The following PICALM variants were observed in gnomAD, a reference collection of about 807,000 sequenced individuals.
The protein encoded by PICALM is phosphatidylinositol binding clathrin assembly protein.
A neutral mutation model predicts 80.5 loss-of-function variants in PICALM; 40 were observed. The observed-to-expected ratio is 0.50, with a 90% CI of 0.39 to 0.65. The LOEUF (loss-of-function observed/expected upper bound fraction) is 0.65, where lower values mean the gene tolerates loss of function less well. Ranked by LOEUF, PICALM falls within the 30% of genes least tolerant of loss-of-function variation. The probability of loss-of-function intolerance (pLI) is 0.00; values close to 1 mark genes in which losing one functional copy is unlikely to be tolerated. For missense variants in PICALM, 676 were observed against 778.9 expected, an observed-to-expected ratio of 0.87 and a Z score of 1.57; for synonymous variants, 288 against 260.3, an observed-to-expected ratio of 1.11 and a Z score of -1.02.
intron 11 of PICALM, among the ~76,000 whole-genome samples, chr11:85,999,237 C>T (rs2095069940): frequency 6.6e-6 from 1 of 152,024 alleles, no homozygotes; most frequent in Non-Finnish European, 1.5e-5. Context: ...TTTAGATGTA[C>T]AATAGTTGTG....
chr11:86,035,928 A>G (rs1308680620), intron 1 of PICALM, among the ~76,000 whole-genome samples: 1 of 149,062 alleles, frequency 6.7e-6, no homozygotes, highest in East Asian at 1.9e-4. Flanking sequence ...AGCCTGGCCT[A>G]CAGAGCGAGA....
chr11:86,043,104 GATGACATATTACACATCACCTTAGTTATA>G (rs1238198687), intron 1 of PICALM, among the ~76,000 whole-genome samples: 3 of 152,092 alleles, frequency 2.0e-5, no homozygotes, highest in African/African-American at 7.2e-5. Context: ...CCCAAGTTTG[GATGACATATTACACATCACCTTAGTTATA>G]AGCACACTAA....
intron 9 of PICALM, 126 bp downstream of exon 9, chr11:86,003,240 T>C (rs2095194490): frequency 3.7e-6 from 2 of 546,332 alleles, no homozygotes; most frequent in Non-Finnish European, 3.4e-6. Flanking sequence ...GATATTATGA[T>C]TAAATCCATT....
intron 1 of PICALM, among the ~76,000 whole-genome samples, chr11:86,035,941 C>A (rs1410937113): frequency 8.0e-6 from 1 of 125,704 alleles, no homozygotes; most frequent in East Asian, 2.1e-4. Flanking sequence ...GAGCGAGACT[C>A]TGCCTCAAAA....
rs540528225 is a variant in PICALM at position 85,984,613 on chromosome 11, T to C, written c.1409-640A>G. Among the ~76,000 whole-genome samples the C allele has an allele frequency of 3.9e-5, 6 of 152,284 alleles. No individual in the cohort carries two copies. In the South Asian group the frequency reaches 8.3e-4, roughly 21 times the overall value. On this transcript the variant is annotated intron_variant, in intron 13 of 19. Coordinates refer to ENST00000393346, the MANE Select transcript of PICALM (RefSeq NM_007166.4). ...TCTCAACCACTCTCTAACTTCAACT[T>C]AGTACTTGCAACAGTGGGGATGACA...
At chr11:85,964,675 C>A (rs544193997) in intron 19 of PICALM, among the ~76,000 whole-genome samples, 3 of 52,116 alleles carry the variant, frequency 5.8e-5, no homozygotes, top group Non-Finnish European at 1.2e-4. Context: ...GCTCCTCTGC[C>A]GTGCTCTGTT....
intron 3 of PICALM, among the ~76,000 whole-genome samples, chr11:86,025,582 A>T (rs112513277): frequency 0.029 from 4,394 of 151,918 alleles, 96 homozygotes; most frequent in Non-Finnish European, 0.046. Context: ...TTTTTGAGAC[A>T]GAGTCTAGCT....
chr11:86,013,523 C>G (rs986754783), intron 5 of PICALM, among the ~76,000 whole-genome samples: 1 of 151,454 alleles, frequency 6.6e-6, no homozygotes, highest in African/African-American at 2.4e-5. Context: ...AGACAAGAGA[C>G]AGAGAGAGGA....
chr11:86,024,559 T>C (rs1486452517), intron 3 of PICALM, among the ~76,000 whole-genome samples: 1 of 151,814 alleles, frequency 6.6e-6, no homozygotes, highest in African/African-American at 2.4e-5. Context: ...TTTACTCTGA[T>C]CTAACTTGAC....
intron 14 of PICALM, among the ~76,000 whole-genome samples, chr11:85,983,119 TCTTA>T (rs1240889646): frequency 6.6e-6 from 1 of 152,192 alleles, no homozygotes; most frequent in African/African-American, 2.4e-5. Context: ...TAGGCTTGCT[TCTTA>T]GTTTTTGAAG....
At chr11:86,029,643 A>G (rs971033054) in intron 2 of PICALM, among the ~76,000 whole-genome samples, 2 of 152,210 alleles carry the variant, frequency 1.3e-5, no homozygotes, top group Non-Finnish European at 2.9e-5. Context: ...CATTATTGAT[A>G]CTTTGTTTAT....
chr11:86,021,028 A>G (rs1233534442), intron 4 of PICALM, among the ~76,000 whole-genome samples: 1 of 152,216 alleles, frequency 6.6e-6, no homozygotes, highest in Admixed American at 6.5e-5. Context: ...CAACTTAACA[A>G]TAAAAAGGGC....
Position 86,008,711 on chromosome 11 carries a change from G to A in PICALM, c.766-1128C>T, listed in dbSNP as rs73506246. ...TTTGTCCTCCTCAAACATGTTTCAA[G>A]AGGTTACTCTTGCCTTCTTCCAGGA... is the stretch of plus-strand genomic sequence containing the variant. On this transcript the variant is annotated intron_variant, in intron 7 of 19. Coordinates refer to ENST00000393346, the MANE Select transcript of PICALM (RefSeq NM_007166.4). 8.1e-3 allele frequency among the ~76,000 whole-genome samples: 1,226 copies of A among 152,062 alleles called. 9 individuals carry two copies. The highest frequency in any genetic ancestry group is 0.022 in the African/African-American group (921 of 41,472).
Position 86,012,389 on chromosome 11 carries a change from T to G in PICALM, c.550A>C (p.Asn184His), listed in dbSNP as rs1239694127. The G allele has an allele frequency of 6.4e-7, 1 of 1,573,010 alleles. No individual in the cohort carries two copies. Among genetic ancestry groups the G allele is most frequent in the East Asian group, 2.2e-5 (1 of 44,478 alleles). Reference protein sequence around the residue: ...QMDALLDFNVNSNELTNGVIN... With the variant: ...QMDALLDFNVHSNELTNGVIN... ...ACCCCATTTGTAAGTTCATTGCTATTAACCTAGGGAAAAATTGGAAAATAA... is the reference window on the plus strand; with the variant it reads ...ACCCCATTTGTAAGTTCATTGCTATGAACCTAGGGAAAAATTGGAAAATAA... Residue 184 changes from asparagine to histidine, a missense_variant, in exon 6 of 20, where the codon AAT becomes CAT. By Grantham distance (68) the Asn-to-His change is moderately conservative (BLOSUM62 1). Transcript: ENST00000393346.
chr11:86,012,145 T>A, intron 6 of PICALM, 136 bp downstream of exon 6: 1 of 437,162 alleles, frequency 2.3e-6, no homozygotes, highest in Non-Finnish European at 4.1e-6. Flanking sequence ...ATAAAACTCT[T>A]TTCTCCAAAT....
At chr11:86,048,702 C>T (rs2096121445) in intron 1 of PICALM, among the ~76,000 whole-genome samples, 1 of 151,640 alleles carries the variant, frequency 6.6e-6, no homozygotes, top group African/African-American at 2.4e-5. Flanking sequence ...CGTGGTGGCG[C>T]ATGCCTGTAA....
chr11:86,038,260 A>C (rs1223367495), intron 1 of PICALM, among the ~76,000 whole-genome samples: 1 of 151,680 alleles, frequency 6.6e-6, no homozygotes, highest in Non-Finnish European at 1.5e-5. Flanking sequence ...GCGGAGGTAA[A>C]AGGAAGCTGA....
At chr11:86,036,077 T>C (rs1048792516) in intron 1 of PICALM, among the ~76,000 whole-genome samples, 14 of 151,804 alleles carry the variant, frequency 9.2e-5, no homozygotes, top group African/African-American at 3.4e-4. Flanking sequence ...TTGGTGGGAG[T>C]AGAAACAAAA....
chr11:85,990,190 G>A (rs1377659234), intron 13 of PICALM, 60 bp downstream of exon 13: 3 of 921,258 alleles, frequency 3.3e-6, no homozygotes, highest in Admixed American at 2.4e-5. Context: ...TAATGGACAC[G>A]TAAAATATAG....
Sources: gnomAD v4.1 joint callset for allele counts (sites outside exome capture counted in the v4.1 genomes callset) on GRCh38, gnomAD v4.1.1 for gene constraint, MANE v1.5 for transcripts, NCBI Gene and HGNC (gene_info 2026-07-23, HGNC 2026-07-21) for gene names.